Variants in ASB4 observed in about 807,000 individuals in gnomAD.
The protein encoded by ASB4 is ankyrin repeat and SOCS box containing 4.
ASB4 carries 35 observed loss-of-function variants against 38.6 expected under a neutral mutation model. That is an observed-to-expected ratio of 0.91 (90% CI 0.69 to 1.20). ASB4 has a LOEUF of 1.20. Among genes scored for constraint, ASB4 ranks in the 50% most tolerant of loss-of-function variants. The pLI, the probability that ASB4 is intolerant of heterozygous loss-of-function variation, is 0.00. For missense variants in ASB4, 557 were observed against 527.2 expected, an observed-to-expected ratio of 1.06 and a Z score of -0.55; for synonymous variants, 195 against 201.3, an observed-to-expected ratio of 0.97 and a Z score of 0.26.
intron 2 of ASB4, among the ~76,000 whole-genome samples, chr7:95,518,094 G>C (rs1322004465): frequency 1.3e-5 from 2 of 152,194 alleles, no homozygotes; most frequent in Non-Finnish European, 2.9e-5. Flanking sequence ...TGCTGAATTA[G>C]TCAGCATTTC....
At chr7:95,531,181 CAG>C (rs1208699356) in intron 3 of ASB4, among the ~76,000 whole-genome samples, 1 of 152,304 alleles carries the variant, frequency 6.6e-6, no homozygotes, top group East Asian at 1.9e-4. Context: ...TCAGTCACAG[CAG>C]AGTCTCTTTC....
the ASB4 span, among the ~76,000 whole-genome samples, chr7:95,548,235 G>C: frequency 5.9e-5 from 9 of 152,200 alleles, no homozygotes; most frequent in Middle Eastern, 3.2e-3. Context: ...GGTGATGTAA[G>C]TCTTTTTAAT....
chr7:95,519,112 C>A (rs1790624973), intron 2 of ASB4, among the ~76,000 whole-genome samples: 1 of 152,120 alleles, frequency 6.6e-6, no homozygotes, highest in Non-Finnish European at 1.5e-5. Flanking sequence ...TTTAAGATTT[C>A]ATTTGAGACA....
At chr7:95,506,158 A>G (rs531864748) in intron 2 of ASB4, among the ~76,000 whole-genome samples, 28 of 152,314 alleles carry the variant, frequency 1.8e-4, no homozygotes, top group African/African-American at 6.0e-4. Flanking sequence ...CTAGGCCTAC[A>G]AAGTGCTGGA....
chr7:95,509,156 A>C (rs1790448534), intron 2 of ASB4, among the ~76,000 whole-genome samples: 1 of 152,196 alleles, frequency 6.6e-6, no homozygotes, highest in East Asian at 1.9e-4. Flanking sequence ...CTAAAATCTT[A>C]AGAAACAGAT....
the ASB4 span, among the ~76,000 whole-genome samples, chr7:95,549,301 A>ATTTTTTTTTTT: frequency 1.4e-4 from 16 of 114,850 alleles, 3 homozygotes; most frequent in Non-Finnish European, 2.2e-4. Flanking sequence ...AGGAGACTCC[A>ATTTTTTTTTTT]TTTTTTTTTT....
In ASB4 at chr7:95,527,820, T is replaced by G. The variant is rs376899631; in HGVS notation, c.495T>G (p.Asn165Lys). The G allele has an allele frequency of 6.4e-5, 103 of 1,597,218 alleles. No homozygotes were observed. Among genetic ancestry groups the G allele is most frequent in the Non-Finnish European group, 8.6e-5 (100 of 1,166,948 alleles). ...CTCAATTTCCCTTTATAGGGGCGAA[T>G]GTGAACATGAAGACCAACAACCAAG... ...CAKQLVWRGA[N>K]VNMKTNNQDE... The change falls in exon 3 of 5, where the codon AAT becomes AAG. Residue 165 changes from asparagine to lysine, a missense_variant. Asn to Lys is a moderately conservative substitution (Grantham distance 94). Coordinates refer to ENST00000325885, the MANE Select transcript of ASB4 (RefSeq NM_016116.3).
chr7:95,546,085 T>C, the ASB4 span, among the ~76,000 whole-genome samples: 2 of 152,224 alleles, frequency 1.3e-5, no homozygotes, highest in African/African-American at 4.8e-5. Flanking sequence ...TGAGGCCCAG[T>C]TCCCACCTTT....
chr7:95,477,529 C>T (rs879938126), upstream of ASB4, among the ~76,000 whole-genome samples: 1 of 152,138 alleles, frequency 6.6e-6, no homozygotes, highest in African/African-American at 2.4e-5. Context: ...TTTACACTAT[C>T]AGTTTAGGGA....
At chr7:95,521,387 A>G (rs1487945987) in intron 2 of ASB4, among the ~76,000 whole-genome samples, 2 of 152,128 alleles carry the variant, frequency 1.3e-5, no homozygotes, top group Non-Finnish European at 2.9e-5. Context: ...AAATCAAAAT[A>G]CCATTTAATT....
At chr7:95,479,063 A>G (rs991760213) in intron 1 of ASB4, among the ~76,000 whole-genome samples, 1 of 152,180 alleles carries the variant, frequency 6.6e-6, no homozygotes, top group Non-Finnish European at 1.5e-5. Context: ...ATCTTTGCCA[A>G]TGTCCAGGAC....
chr7:95,513,253 GTTTTTTTTTTT>G (rs536945120), intron 2 of ASB4, among the ~76,000 whole-genome samples: 9 of 77,024 alleles, frequency 1.2e-4, no homozygotes, highest in African/African-American at 3.8e-4. Flanking sequence ...TTTTTTGTTT[GTTTTTTTTTTT>G]TTTTTTTTTT....
upstream of ASB4, among the ~76,000 whole-genome samples, chr7:95,481,426 G>A (rs562597688): frequency 6.6e-6 from 1 of 152,218 alleles, no homozygotes; most frequent in Non-Finnish European, 1.5e-5. Flanking sequence ...TATAACAGAT[G>A]AGAAGAAAGG....
At chr7:95,515,308 T>C (rs200166210) in intron 2 of ASB4, among the ~76,000 whole-genome samples, 4,034 of 112,218 alleles carry the variant, frequency 0.036, 96 homozygotes, top group South Asian at 0.056. Flanking sequence ...TTTCTTTCTT[T>C]CTTTCTTTCT....
chr7:95,475,954 C>T (rs578007579), upstream of ASB4, among the ~76,000 whole-genome samples: 6 of 152,284 alleles, frequency 3.9e-5, no homozygotes, highest in Admixed American at 2.6e-4. Context: ...CTGAACTTTT[C>T]GGTCTCTATA....
upstream of ASB4, among the ~76,000 whole-genome samples, chr7:95,483,416 C>T (rs764448498): frequency 6.6e-6 from 1 of 152,294 alleles, no homozygotes; most frequent in African/African-American, 2.4e-5. Context: ...CCTGAACTCT[C>T]AAACACAGAG....
intron 1 of ASB4, among the ~76,000 whole-genome samples, chr7:95,490,355 T>A (rs115719288): frequency 9.2e-5 from 14 of 152,352 alleles, no homozygotes; most frequent in Middle Eastern, 3.4e-3. Context: ...ATGTTCAAAC[T>A]TTTTTCTTTT....
rs1790948476 is a variant in ASB4, at chr7:95,539,997, G to A, written c.*2238G>A. ...GTATTCTAGCAGCAAAGCTTGTGAT[G>A]CACTGACTTGGGGCAAGTAAAACTG... On this transcript the variant is annotated 3_prime_UTR_variant, in exon 5 of 5. Coordinates refer to ENST00000325885, the MANE Select transcript of ASB4 (RefSeq NM_016116.3). 1 of 152,186 alleles carries A rather than the reference G, an allele frequency of 6.6e-6. No individual in the cohort carries two copies. The highest frequency in any genetic ancestry group is 1.5e-5 in the Non-Finnish European group (1 of 68,016). 9.4% of individuals were successfully genotyped at this position (152,186 alleles called of 1,614,324 possible).
chr7:95,531,695 C>T (rs1261684212), intron 3 of ASB4, among the ~76,000 whole-genome samples: 1 of 152,110 alleles, frequency 6.6e-6, no homozygotes, highest in African/African-American at 2.4e-5. Flanking sequence ...AGTCCCTGCC[C>T]AGAGACTAAA....
Sources: gnomAD v4.1 joint callset for allele counts (sites outside exome capture counted in the v4.1 genomes callset) on GRCh38, gnomAD v4.1.1 for gene constraint, MANE v1.5 for transcripts, NCBI Gene and HGNC (gene_info 2026-07-23, HGNC 2026-07-21) for gene names.